The following ZBTB7C variants were observed in gnomAD, a reference collection of about 807,000 sequenced individuals.
The protein encoded by ZBTB7C is zinc finger and BTB domain-containing protein 7C.
In ZBTB7C, 8 loss-of-function variants were observed where a neutral mutation model predicts 25.7. The ratio of observed to expected loss-of-function variants is 0.31; its 90% confidence interval spans 0.18 to 0.56. The LOEUF (loss-of-function observed/expected upper bound fraction) is 0.56. Among genes scored for constraint, ZBTB7C ranks in the 20% least tolerant of loss-of-function variants. ZBTB7C has a pLI of 0.91. For synonymous variants in ZBTB7C, 394 were observed against 369.0 expected, an observed-to-expected ratio of 1.07 and a Z score of -0.78; for missense variants, 824 against 855.2, an observed-to-expected ratio of 0.96 and a Z score of 0.46.
At position 48,356,998 on chromosome 18, in the gene ZBTB7C, G is replaced by A. The variant is rs1402505842; in HGVS notation, c.-303-18600C>T. Among the ~76,000 whole-genome samples the A allele has an allele frequency of 2.0e-5, 3 of 152,206 alleles. No individual in the cohort carries two copies. In the East Asian group the frequency reaches 5.8e-4, roughly 29 times the overall value. ...ACTGAACTGGAAGGGACTAGAGACA[G>A]GACCAGGCCTGAGACAGGACTCCTC... is the stretch of plus-strand genomic sequence containing the variant. On this transcript the variant is annotated intron_variant, in intron 1 of 4. Transcript: ENST00000590800.
chr18:48,341,854 G>C (rs1335679687), intron 1 of ZBTB7C, among the ~76,000 whole-genome samples: 11 of 152,236 alleles, frequency 7.2e-5, no homozygotes, highest in African/African-American at 2.7e-4. Context: ...GTGTGATCTG[G>C]AGATGTTGAG....
At chr18:48,177,958 C>G (rs779558182) in intron 3 of ZBTB7C, among the ~76,000 whole-genome samples, 1 of 152,076 alleles carries the variant, frequency 6.6e-6, no homozygotes, top group Non-Finnish European at 1.5e-5. Flanking sequence ...GAGGTCACAG[C>G]GCTGGTAAGG....
chr18:48,134,440 T>TA (rs2040084550), intron 3 of ZBTB7C, among the ~76,000 whole-genome samples: 1 of 138,864 alleles, frequency 7.2e-6, no homozygotes, highest in African/African-American at 2.7e-5. Context: ...AATGGCATTG[T>TA]AAGTGGAGAT....
intron 2 of ZBTB7C, among the ~76,000 whole-genome samples, chr18:48,227,565 A>G (rs1395260977): frequency 1.3e-5 from 2 of 152,224 alleles, no homozygotes; most frequent in African/African-American, 4.8e-5. Flanking sequence ...AATGACCCCA[A>G]AAGTGTCAAC....
chr18:48,227,903 C>T (rs1244037448), intron 2 of ZBTB7C, among the ~76,000 whole-genome samples: 1 of 152,116 alleles, frequency 6.6e-6, no homozygotes, highest in African/African-American at 2.4e-5. Context: ...AACATTGTTA[C>T]AAGGGGTAAG....
intron 2 of ZBTB7C, among the ~76,000 whole-genome samples, chr18:48,335,129 C>T (rs1386627834): frequency 1.3e-5 from 2 of 152,228 alleles, no homozygotes; most frequent in East Asian, 1.9e-4. Flanking sequence ...AGGCCTCACC[C>T]CTCCTTATTT....
intron 2 of ZBTB7C, among the ~76,000 whole-genome samples, chr18:48,214,688 G>A (rs79982461): frequency 0.12 from 18,537 of 152,158 alleles, 1,521 homozygotes; most frequent in Non-Finnish European, 0.18. Flanking sequence ...CTGTTAGCTC[G>A]CTCTTGAATT....
At chr18:48,412,101 A>G (rs1408600717), upstream of ZBTB7C, among the ~76,000 whole-genome samples, 3 of 152,234 alleles carry the variant, frequency 2.0e-5, no homozygotes, top group African/African-American at 4.8e-5. Context: ...TTTCTACTCC[A>G]TAGAGATGCT....
intron 3 of ZBTB7C, among the ~76,000 whole-genome samples, chr18:48,144,824 T>A (rs893958333): frequency 2.0e-5 from 3 of 152,188 alleles, no homozygotes; most frequent in Non-Finnish European, 4.4e-5. Flanking sequence ...GTGCTCCAGA[T>A]GATAGTCCAC....
intron 3 of ZBTB7C, among the ~76,000 whole-genome samples, chr18:48,160,045 G>C (rs2040954903): frequency 6.6e-6 from 1 of 152,234 alleles, no homozygotes; most frequent in African/African-American, 2.4e-5. Context: ...TAATCGCTCT[G>C]ATCTGGAGTT....
chr18:48,336,141 C>T (rs1172956372), intron 2 of ZBTB7C, among the ~76,000 whole-genome samples: 1 of 152,240 alleles, frequency 6.6e-6, no homozygotes, highest in Admixed American at 6.5e-5. Context: ...TGCCCAGCAA[C>T]TGCCAAAGCA....
Position 48,303,586 on chromosome 18 carries a change from G to A in ZBTB7C, c.-79+34588C>T, listed in dbSNP as rs141106338. Among the ~76,000 whole-genome samples the A allele has an allele frequency of 8.7e-3, 1,321 of 152,290 alleles. 20 individuals carry two copies. The highest frequency in any genetic ancestry group is 0.031 in the African/African-American group (1,271 of 41,556). Reference sequence around the variant, plus strand: ...TATCATGGCCATAAGAATAGAGATGGGGTGGAAGACATCCGAGAAAAGCTT... The same window carrying A: ...TATCATGGCCATAAGAATAGAGATGAGGTGGAAGACATCCGAGAAAAGCTT... On this transcript the variant is annotated intron_variant, in intron 2 of 4. Coordinates refer to ENST00000590800, the MANE Select transcript of ZBTB7C (RefSeq NM_001318841.2).
intron 3 of ZBTB7C, among the ~76,000 whole-genome samples, chr18:48,059,769 T>TA (rs965830486): frequency 4.1e-4 from 62 of 151,418 alleles, no homozygotes; most frequent in Non-Finnish European, 6.2e-4. Flanking sequence ...TAAAGAATCA[T>TA]AAAAAAAAAT....
chr18:48,095,437 T>G (rs981685130), intron 3 of ZBTB7C, among the ~76,000 whole-genome samples: 1 of 152,178 alleles, frequency 6.6e-6, no homozygotes, highest in African/African-American at 2.4e-5. Context: ...GCACGGTGGC[T>G]CATGCCACCC....
At position 48,040,615 on chromosome 18, in the gene ZBTB7C, C is replaced by T. The variant is rs551094237; in HGVS notation, c.493G>A (p.Asp165Asn). The stretch of plus-strand genomic sequence containing the variant: ...TCAGCAAAGTCCTCCGTGTCATCAT[C>T]GTCATCCTCCTCCTCTTCCTCCTCC... Reference protein sequence around the residue: ...EEEEEEEEDDDDDTEDFADQE... With the variant: ...EEEEEEEEDDNDDTEDFADQE... Residue 165 changes from aspartate (D) to asparagine (N), a missense_variant, in exon 4 of 5, where the codon GAT becomes AAT. By Grantham distance (23) the Asp-to-Asn change is conservative. This residue lies in a region of ZBTB7C where 316 missense variants were observed against 299.2 expected (regional missense o/e 1.06). Coordinates refer to ENST00000590800, the MANE Select transcript of ZBTB7C (RefSeq NM_001318841.2). The T allele has an allele frequency of 1.5e-5, 24 of 1,613,688 alleles. No individual in the cohort carries two copies. In the Admixed American group the frequency reaches 2.0e-4, roughly 13 times the overall value.
intron 3 of ZBTB7C, among the ~76,000 whole-genome samples, chr18:48,167,649 C>G (rs559181411): frequency 7.2e-5 from 11 of 151,868 alleles, no homozygotes; most frequent in East Asian, 5.8e-4. Context: ...TTCCAAGAAG[C>G]TTTTCAAAGC....
At chr18:48,369,459 T>A (rs953330694) in intron 1 of ZBTB7C, among the ~76,000 whole-genome samples, 1 of 152,046 alleles carries the variant, frequency 6.6e-6, no homozygotes, top group Non-Finnish European at 1.5e-5. Flanking sequence ...TACATGTAAA[T>A]GATCTAAAGA....
chr18:48,152,733 C>T (rs58315766), intron 3 of ZBTB7C, among the ~76,000 whole-genome samples: 6,222 of 152,242 alleles, frequency 0.041, 141 homozygotes, highest in Middle Eastern at 0.085. Context: ...GATTTGGTTT[C>T]GCAACTTTTC....
intron 2 of ZBTB7C, among the ~76,000 whole-genome samples, chr18:48,258,459 CTGACAG>C (rs2044081231): frequency 6.6e-6 from 1 of 152,192 alleles, no homozygotes; most frequent in Non-Finnish European, 1.5e-5. Flanking sequence ...AGAAAAGCTA[CTGACAG>C]TAACACCAAA....
Sources: allele counts gnomAD v4.1 joint callset (sites outside exome capture counted in the v4.1 genomes callset), GRCh38; gene constraint gnomAD v4.1.1; regional missense constraint gnomAD v4.1.1; transcripts MANE v1.5; gene names NCBI Gene and HGNC (gene_info 2026-07-23, HGNC 2026-07-21).